TYW2: variants seen among roughly 807,000 people sequenced by gnomAD.
The protein encoded by TYW2 is tRNA wybutosine-synthesizing protein 2.
At chr8:124,452,641 C>T in the TYW2 span, 1 of 208,202 alleles carries the variant, frequency 4.8e-6, no homozygotes, top group Non-Finnish European at 1.1e-5. Flanking sequence ...CAACTATACA[C>T]AGGACATCGG....
chr8:124,452,157 G>C, the TYW2 span: 16 of 1,614,242 alleles, frequency 9.9e-6, no homozygotes, highest in South Asian at 1.8e-4. Flanking sequence ...TTCAGCAGGT[G>C]CATGGGAAAC....
chr8:124,452,743 G>A, the TYW2 span: 1 of 171,156 alleles, frequency 5.8e-6, no homozygotes, highest in African/African-American at 2.4e-5. Context: ...TGGAAACAGA[G>A]AGACCAGTGA....
chr8:124,451,834 G>A, the TYW2 span: 2 of 1,614,146 alleles, frequency 1.2e-6, no homozygotes, highest in Non-Finnish European at 1.7e-6. Context: ...CTCAAATATT[G>A]CAGATAGGGT....
chr8:124,451,743 T>C, the TYW2 span: 1 of 1,614,186 alleles, frequency 6.2e-7, no homozygotes, highest in Non-Finnish European at 8.5e-7. Context: ...ATGCTGTAGT[T>C]GCTCTGAGAA....
At chr8:124,452,270 G>C in the TYW2 span, 1 of 1,612,604 alleles carries the variant, frequency 6.2e-7, no homozygotes, top group Non-Finnish European at 8.5e-7. Flanking sequence ...CCTTCAGTTG[G>C]CTAGAGGAGG....
At chr8:124,452,100 G>T in the TYW2 span, 1 of 1,614,246 alleles carries the variant, frequency 6.2e-7, no homozygotes. Context: ...CCAAGCCAGA[G>T]TGGCAAAGGT....
the TYW2 span, chr8:124,452,580 C>T: frequency 2.1e-5 from 7 of 331,376 alleles, no homozygotes; most frequent in African/African-American, 1.3e-4. Context: ...CCTCGGGTTT[C>T]GTTATTTGCA....
chr8:124,450,896 C>G, the TYW2 span: 8 of 1,579,626 alleles, frequency 5.1e-6, no homozygotes, highest in East Asian at 1.1e-4. Context: ...CCTGGTGAGC[C>G]GACTCTGAGG....
chr8:124,452,510 G>T, the TYW2 span: 1 of 495,102 alleles, frequency 2.0e-6, no homozygotes, highest in Non-Finnish European at 3.6e-6. Context: ...GCTCATCTGT[G>T]CAATTATGAA....
At chr8:124,451,659 G>A in the TYW2 span, 1 of 1,614,228 alleles carries the variant, frequency 6.2e-7, no homozygotes, top group African/African-American at 1.3e-5. Flanking sequence ...TCTATGCAGG[G>A]ATTGGTTATT....
At chr8:124,451,001 C>G in the TYW2 span, 7 of 1,614,162 alleles carry the variant, frequency 4.3e-6, no homozygotes, top group Middle Eastern at 3.3e-4. Context: ...GCAGTTGTGA[C>G]TGAGCCTTGG....
chr8:124,451,533 G>T, the TYW2 span: 1 of 1,614,156 alleles, frequency 6.2e-7, no homozygotes, highest in East Asian at 2.2e-5. Context: ...TAGAGCATGT[G>T]GATAATGGTA....
the TYW2 span, chr8:124,452,266 G>T: frequency 5.6e-6 from 9 of 1,613,140 alleles, no homozygotes; most frequent in Admixed American, 1.7e-5. Context: ...CTGTCCTTCA[G>T]TTGGCTAGAG....
the TYW2 span, chr8:124,452,305 A>C: frequency 2.5e-6 from 4 of 1,599,902 alleles, no homozygotes; most frequent in Non-Finnish European, 3.4e-6. Context: ...CATGGGATCC[A>C]CGTGCGAGTG....
At chr8:124,451,530 T>C in the TYW2 span, 1 of 1,614,180 alleles carries the variant, frequency 6.2e-7, no homozygotes, top group Non-Finnish European at 8.5e-7. Context: ...GGGTAGAGCA[T>C]GTGGATAATG....
the TYW2 span, chr8:124,451,070 G>A: frequency 5.0e-6 from 8 of 1,614,228 alleles, no homozygotes; most frequent in Non-Finnish European, 6.8e-6. Context: ...ACACAGCACC[G>A]TGTGGAAAAG....
the TYW2 span, chr8:124,451,380 G>C: frequency 1.2e-6 from 2 of 1,614,160 alleles, no homozygotes; most frequent in South Asian, 1.1e-5. Flanking sequence ...TCCAAGCCAA[G>C]CAGTGGAAAA....
chr8:124,451,020 G>A, the TYW2 span: 4 of 1,614,202 alleles, frequency 2.5e-6, no homozygotes, highest in Non-Finnish European at 3.4e-6. Context: ...GGTTTACCCA[G>A]CGATACAGAG....
At chr8:124,451,299 C>T in the TYW2 span, 1 of 1,614,114 alleles carries the variant, frequency 6.2e-7, no homozygotes, top group South Asian at 1.1e-5. Flanking sequence ...AGTGGTCAGC[C>T]GAGTTGGAGG....
Sources: allele counts gnomAD v4.1 joint callset, GRCh38; gene constraint gnomAD v4.1.1; transcripts MANE v1.5; gene names NCBI Gene and HGNC (gene_info 2026-07-23, HGNC 2026-07-21).